SBF1: variants seen among roughly 807,000 people sequenced by gnomAD.
SBF1 encodes the protein myotubularin-related protein 5.
SBF1 carries 65 observed loss-of-function variants against 215.8 expected under a neutral mutation model. That is an observed-to-expected ratio of 0.30 (90% CI 0.25 to 0.37). The LOEUF (loss-of-function observed/expected upper bound fraction) is 0.37, where lower values mean the gene tolerates loss of function less well. Ranked by LOEUF, SBF1 falls within the 10% of genes least tolerant of loss-of-function variation. The pLI is 1.00. For synonymous variants in SBF1, 1,410 were observed against 1,122.8 expected, an observed-to-expected ratio of 1.26 and a Z score of -5.11; for missense variants, 2,634 against 2,667.8, an observed-to-expected ratio of 0.99 and a Z score of 0.28.
rs766673874 is a variant in SBF1 at position 50,448,299 on chromosome 22, C to A, written c.5297G>T (p.Arg1766Leu). The A allele has an allele frequency of 2.5e-6, 4 of 1,613,226 alleles. No individual in the cohort carries two copies. In the East Asian group the frequency reaches 8.9e-5, roughly 36 times the overall value. ...QSSGSTTSGS[R>L]QAARRSTSTL... ...GCTGGTGCTGCGGCGGGCAGCCTGA[C>A]GGGAGCCGGATGTGGTTGAGCCACT... The change falls in exon 38 of 41, where the codon CGT becomes CTT. Residue 1766 changes from arginine (R) to leucine (L), a missense_variant. Arg to Leu is a moderately radical substitution (Grantham distance 102). Coordinates refer to ENST00000380817, the MANE Select transcript of SBF1 (RefSeq NM_002972.4).
At chr22:50,474,113 C>T (rs1430296986) in intron 1 of SBF1, among the ~76,000 whole-genome samples, 1 of 152,214 alleles carries the variant, frequency 6.6e-6, no homozygotes. Flanking sequence ...ACCTCCTGGG[C>T]ATGGGCACCG....
chr22:50,473,770 C>G (rs1198355266), intron 1 of SBF1, among the ~76,000 whole-genome samples: 1 of 152,222 alleles, frequency 6.6e-6, no homozygotes, highest in African/African-American at 2.4e-5. Context: ...CCCTGCCTGA[C>G]CACACAGCCA....
intron 31 of SBF1, chr22:50,455,986 C>T: frequency 1.7e-6 from 1 of 575,634 alleles, no homozygotes; most frequent in African/African-American, 1.9e-5. Flanking sequence ...GCAGGCTGCT[C>T]CGACATACCC....
Position 50,447,616 on chromosome 22 carries a change from T to G in SBF1, c.5364-7A>C. On this transcript the variant is annotated splice_region_variant and splice_polypyrimidine_tract_variant and intron_variant, in intron 38 of 40. Transcript: ENST00000380817. ...CAGAGTGCCCTCGTAGGACCTGCAT[T>G]TCCAGCAGAACCAGGGCCAGGCTGA... 6.2e-7 allele frequency: 1 copy of G among 1,604,062 alleles called. No individual in the cohort carries two copies. The highest frequency in any genetic ancestry group is 8.5e-7 in the Non-Finnish European group (1 of 1,174,638).
chr22:50,467,711 A>G, intron 3 of SBF1, 21 bp from the exon 4 acceptor site: 3 of 1,297,620 alleles, frequency 2.3e-6, no homozygotes, highest in Non-Finnish European at 3.3e-6. Context: ...TCAGGGGGAG[A>G]CGGGGGCAGG....
chr22:50,451,321 G>A (rs1256782099), intron 36 of SBF1, among the ~76,000 whole-genome samples: 1 of 152,088 alleles, frequency 6.6e-6, no homozygotes, highest in Non-Finnish European at 1.5e-5. Flanking sequence ...CTCCAGCCTG[G>A]GCAACAGAGC....
chr22:50,471,064 G>A (rs150312571), intron 1 of SBF1, among the ~76,000 whole-genome samples: 2 of 152,286 alleles, frequency 1.3e-5, no homozygotes, highest in Admixed American at 6.5e-5. Context: ...TGAGCTCCTT[G>A]CCCATCAGAG....
intron 1 of SBF1, among the ~76,000 whole-genome samples, chr22:50,471,013 C>A (rs375091188): frequency 1.9e-4 from 29 of 152,262 alleles, no homozygotes; most frequent in Admixed American, 1.0e-3. Context: ...GGGTCCCCCA[C>A]CCACTGAAGC....
Position 50,459,915 on chromosome 22 carries a change from G to T in SBF1, c.3491+37C>A, listed in dbSNP as rs751990991. ...GCGGGCAGGGAAGACACCCAGTCACGTGTCCACCACCCGGGCCAGCCCTGG... is the reference window on the plus strand; with the variant it reads ...GCGGGCAGGGAAGACACCCAGTCACTTGTCCACCACCCGGGCCAGCCCTGG... On this transcript the variant is annotated intron_variant, in intron 26 of 40. Transcript: ENST00000380817. 28 of 1,605,368 alleles carry T rather than the reference G, an allele frequency of 1.7e-5. No individual in the cohort carries two copies. In the African/African-American group the frequency reaches 3.2e-4, roughly 18 times the overall value.
intron 22 of SBF1, 33 bp downstream of exon 22, chr22:50,461,490 G>A (rs1276322101): frequency 1.9e-5 from 30 of 1,561,242 alleles, no homozygotes; most frequent in Non-Finnish European, 2.4e-5. Flanking sequence ...TGGGGGAGAG[G>A]GGGCGACAGG....
At position 50,459,264 on chromosome 22, in the gene SBF1, C is replaced by T; in HGVS notation, c.3817G>A (p.Gly1273Ser). Residue 1273 changes from glycine to serine, a missense_variant, in exon 28 of 41, where the codon GGC becomes AGC. Physicochemically the swap from Gly to Ser is moderately conservative, Grantham distance 56 (BLOSUM62 0). Transcript: ENST00000380817. The stretch of plus-strand genomic sequence containing the variant: ...CCACAAGCACCCTCACCGTGACTGC[C>T]CATGTGGGCTGAGGAGAAGCCGCTA... ...TLSGFSSAHM[G>S]SHVPSPRARV... The T allele has an allele frequency of 1.9e-6, 3 of 1,601,632 alleles. No individual in the cohort carries two copies. Among genetic ancestry groups the T allele is most frequent in the Non-Finnish European group, 2.6e-6 (3 of 1,170,538 alleles).
chr22:50,463,461 G>T, intron 15 of SBF1, 29 bp from the exon 16 acceptor site: 1 of 1,537,084 alleles, frequency 6.5e-7, no homozygotes, highest in East Asian at 2.4e-5. Context: ...GACACGGGCT[G>T]AGGGCACAGA....
At position 50,456,484 on chromosome 22, in the gene SBF1, C is replaced by CCCCCCCCCCCCA; in HGVS notation, c.4086+7_4086+8insTGGGGGGGGGGG. 6.5e-7 allele frequency: 1 copy of CCCCCCCCCCCCA among 1,532,010 alleles called. No homozygotes were observed. The highest frequency in any genetic ancestry group is 8.8e-7 in the Non-Finnish European group (1 of 1,138,232). 94.9% of individuals were successfully genotyped at this position (1,532,010 alleles called of 1,614,324 possible). On this transcript the variant is annotated splice_region_variant and intron_variant, in intron 30 of 40. Coordinates refer to ENST00000380817, the MANE Select transcript of SBF1 (RefSeq NM_002972.4). ...ACCCTCACCCCCCACCCCCCGCACC[C>CCCCCCCCCCCCA]CAGTCACCTTGAGCTGGGCTTTGTC...
At chr22:50,473,242 C>T (rs2068056522) in intron 1 of SBF1, among the ~76,000 whole-genome samples, 1 of 152,174 alleles carries the variant, frequency 6.6e-6, no homozygotes, top group Non-Finnish European at 1.5e-5. Context: ...TCAGCTGTTC[C>T]TGTAGCCCCC....
chr22:50,461,287 C>T lies in SBF1; in HGVS notation c.2840-1G>A, dbSNP rs2067497269. 1 of 1,606,422 alleles carries T rather than the reference C, an allele frequency of 6.2e-7. No individual in the cohort carries two copies. Among genetic ancestry groups the T allele is most frequent in the African/African-American group, 1.3e-5 (1 of 74,424 alleles). On this transcript the variant is annotated splice_acceptor_variant, in intron 22 of 40. Coordinates refer to ENST00000380817, the MANE Select transcript of SBF1 (RefSeq NM_002972.4). LOFTEE classifies it high-confidence loss of function. The stretch of plus-strand genomic sequence containing the variant: ...GAGCGGACCACCACCTGCTCCCCAA[C>T]TTAGGACAGGCCAGGCAGAGTCAGA...
intron 36 of SBF1, among the ~76,000 whole-genome samples, chr22:50,451,938 A>C (rs1056086816): frequency 1.3e-5 from 2 of 151,882 alleles, no homozygotes; most frequent in African/African-American, 4.8e-5. Context: ...CTGGGATTAC[A>C]GGCACCCGCC....
intron 36 of SBF1, among the ~76,000 whole-genome samples, chr22:50,453,792 A>T (rs542203199): frequency 6.8e-5 from 10 of 146,958 alleles, no homozygotes; most frequent in Admixed American, 4.8e-4. Flanking sequence ...ATCTCAAAAT[A>T]AAAAAAAAAA....
chr22:50,461,689 C>A lies in SBF1; in HGVS notation c.2673G>T (p.Pro891=), dbSNP rs543640552. 1.9e-6 allele frequency: 3 copies of A among 1,609,730 alleles called. No homozygotes were observed. The East Asian group carries it at 6.7e-5, about 36-fold the overall frequency. Residue 891 remains proline (P), a synonymous_variant, in exon 22 of 41, where the codon CCG becomes CCT. Coordinates refer to ENST00000380817, the MANE Select transcript of SBF1 (RefSeq NM_002972.4). ...GGCCGTCCAGCACACACTCCTCACC[C>A]GGCAGCAGGCGCGGCCGCAGCAGCT... The part of the protein sequence containing the change: ...KPKLLRPRLL[P]GEECVLDGLR...
intron 36 of SBF1, among the ~76,000 whole-genome samples, chr22:50,449,857 T>C (rs1239844435): frequency 6.6e-6 from 1 of 152,168 alleles, no homozygotes; most frequent in African/African-American, 2.4e-5. Context: ...ATGCAAATGA[T>C]GAAACTGGAC....
Sources: allele counts gnomAD v4.1 joint callset (sites outside exome capture counted in the v4.1 genomes callset), GRCh38; gene constraint gnomAD v4.1.1; transcripts MANE v1.5; gene names NCBI Gene and HGNC (gene_info 2026-07-23, HGNC 2026-07-21).